Variants in TNIK observed in about 807,000 individuals in gnomAD.
TNIK encodes the protein TRAF2 and NCK-interacting protein kinase.
TNIK carries 49 observed loss-of-function variants against 191.3 expected under a neutral mutation model. The ratio of observed to expected loss-of-function variants is 0.26; its 90% CI spans 0.20 to 0.32. The LOEUF is 0.32. Ranked by LOEUF, TNIK falls within the 10% of genes least tolerant of loss-of-function variation. TNIK has a pLI of 1.00. For missense variants in TNIK, 1,155 were observed against 1,702.3 expected, an observed-to-expected ratio of 0.68 and a Z score of 5.66; for synonymous variants, 594 against 600.9, an observed-to-expected ratio of 0.99 and a Z score of 0.17.
rs576438729 is a variant in TNIK at position 171,075,502 on chromosome 3, T to C, written c.3448+4016A>G. On this transcript the variant is annotated intron_variant, in intron 28 of 32. Coordinates refer to ENST00000436636, the MANE Select transcript of TNIK (RefSeq NM_015028.4). ...CTGATTCCTGAACAAAAATGTACAG[T>C]GGAGCAAATAGCTTGCACTGCTGCC... Among the ~76,000 whole-genome samples, 144 of 152,308 alleles carry C rather than the reference T, an allele frequency of 9.5e-4. 1 individual carries two copies. The highest frequency in any genetic ancestry group is 4.4e-4 in the Non-Finnish European group (30 of 68,014).
At chr3:171,354,818 A>C (rs143192103) in intron 2 of TNIK, among the ~76,000 whole-genome samples, 1 of 152,348 alleles carries the variant, frequency 6.6e-6, no homozygotes, top group East Asian at 1.9e-4. Context: ...CATAGTACTT[A>C]GGCCAAATTT....
intron 2 of TNIK, among the ~76,000 whole-genome samples, chr3:171,287,886 T>C (rs1751190472): frequency 6.6e-6 from 1 of 151,952 alleles, no homozygotes; most frequent in East Asian, 1.9e-4. Flanking sequence ...TATTGCGGCA[T>C]TATTCACAAT....
At chr3:171,129,201 T>C (rs1334874722) in intron 15 of TNIK, among the ~76,000 whole-genome samples, 2 of 152,182 alleles carry the variant, frequency 1.3e-5, no homozygotes, top group East Asian at 1.9e-4. Flanking sequence ...CGCAATGCCA[T>C]GGGGTCAGTG....
intron 3 of TNIK, among the ~76,000 whole-genome samples, chr3:171,221,412 C>T (rs917543658): frequency 1.8e-4 from 28 of 152,154 alleles, no homozygotes; most frequent in Admixed American, 2.0e-4. Flanking sequence ...CGAAGGTCTA[C>T]TCGTCCTGTA....
intron 12 of TNIK, among the ~76,000 whole-genome samples, chr3:171,141,572 T>C (rs139423488): frequency 2.2e-4 from 34 of 152,320 alleles, no homozygotes; most frequent in African/African-American, 5.8e-4. Flanking sequence ...TGCAACTATC[T>C]AAGGACATGT....
chr3:171,205,086 G>A (rs1446134176), intron 4 of TNIK, among the ~76,000 whole-genome samples: 1 of 152,166 alleles, frequency 6.6e-6, no homozygotes, highest in Non-Finnish European at 1.5e-5. Context: ...TCCTACCATT[G>A]TTCTTATTAA....
intron 2 of TNIK, among the ~76,000 whole-genome samples, chr3:171,262,008 C>T (rs1010798496): frequency 2.6e-5 from 4 of 152,224 alleles, no homozygotes; most frequent in African/African-American, 9.6e-5. Flanking sequence ...ATAACCTTTT[C>T]AATCCTAACC....
intron 32 of TNIK, among the ~76,000 whole-genome samples, chr3:171,065,273 A>T (rs1479660612): frequency 6.6e-6 from 1 of 152,218 alleles, no homozygotes; most frequent in Non-Finnish European, 1.5e-5. Context: ...TGCCACCTGC[A>T]GCTACTGTCC....
intron 10 of TNIK, among the ~76,000 whole-genome samples, chr3:171,162,526 T>C (rs1468739390): frequency 6.6e-6 from 1 of 152,262 alleles, no homozygotes; most frequent in Non-Finnish European, 1.5e-5. Flanking sequence ...GGAAGCAGTT[T>C]ACATGTGTGA....
intron 2 of TNIK, among the ~76,000 whole-genome samples, chr3:171,319,868 T>A (rs894073637): frequency 2.0e-5 from 3 of 152,172 alleles, no homozygotes; most frequent in Non-Finnish European, 4.4e-5. Context: ...GAAGCATTCA[T>A]CTGAGAAGAC....
chr3:171,081,318 C>T (rs375745101), intron 27 of TNIK, among the ~76,000 whole-genome samples: 2 of 152,082 alleles, frequency 1.3e-5, no homozygotes, highest in East Asian at 3.9e-4. Context: ...GGAAGTACAG[C>T]TGAACTTTGA....
At chr3:171,115,463 G>A (rs910394822) in intron 18 of TNIK, among the ~76,000 whole-genome samples, 1 of 152,234 alleles carries the variant, frequency 6.6e-6, no homozygotes, top group Non-Finnish European at 1.5e-5. Context: ...TGTATGTTGT[G>A]TATGAAAGAG....
At chr3:171,170,338 G>A (rs1735115172) in intron 9 of TNIK, among the ~76,000 whole-genome samples, 1 of 152,154 alleles carries the variant, frequency 6.6e-6, no homozygotes, top group Non-Finnish European at 1.5e-5. Flanking sequence ...TCAAAATGCT[G>A]GAAAGATTGT....
rs1418907882 is a variant in TNIK, at chr3:171,060,169, CTGG to C, written c.*3709_*3711del. ...CGTTTCAAGAATACAGTGACGGGAA[CTGG>C]TACACATAGTAGTAGGGAAAGCATT... On this transcript the variant is annotated 3_prime_UTR_variant, in exon 33 of 33. Coordinates refer to ENST00000436636, the MANE Select transcript of TNIK (RefSeq NM_015028.4). Among the ~76,000 whole-genome samples, 1 of 152,170 alleles carries C rather than the reference CTGG, an allele frequency of 6.6e-6. No individual in the cohort carries two copies. Among genetic ancestry groups the C allele is most frequent in the Non-Finnish European group, 1.5e-5 (1 of 68,030 alleles).
intron 2 of TNIK, among the ~76,000 whole-genome samples, chr3:171,294,451 T>C (rs574026408): frequency 1.3e-5 from 2 of 152,038 alleles, no homozygotes; most frequent in Non-Finnish European, 2.9e-5. Context: ...CCAGTCGCGG[T>C]GGCTCACACC....
chr3:171,088,885 A>G (rs1010584921), intron 23 of TNIK, among the ~76,000 whole-genome samples: 1 of 152,218 alleles, frequency 6.6e-6, no homozygotes, highest in Non-Finnish European at 1.5e-5. Context: ...TCATCAACAC[A>G]GTATTTTTTA....
intron 12 of TNIK, among the ~76,000 whole-genome samples, chr3:171,151,087 A>G (rs1732375813): frequency 1.3e-5 from 2 of 152,384 alleles, no homozygotes; most frequent in South Asian, 4.1e-4. Flanking sequence ...TTTACTTCTC[A>G]GCAATCATGA....
chr3:171,323,306 G>A (rs1040681233), intron 2 of TNIK, among the ~76,000 whole-genome samples: 11 of 152,156 alleles, frequency 7.2e-5, no homozygotes, highest in South Asian at 4.1e-4. Flanking sequence ...ATGCTGGGGG[G>A]CAGGAGTAGA....
At chr3:171,237,548 CCT>C (rs1479972106) in intron 2 of TNIK, among the ~76,000 whole-genome samples, 1 of 151,428 alleles carries the variant, frequency 6.6e-6, no homozygotes, top group Non-Finnish European at 1.5e-5. Flanking sequence ...CCAAATGTCT[CCT>C]CTGTAAGAAT....
Sources: gnomAD v4.1 joint callset for allele counts (sites outside exome capture counted in the v4.1 genomes callset) on GRCh38, gnomAD v4.1.1 for gene constraint, MANE v1.5 for transcripts, NCBI Gene and HGNC (gene_info 2026-07-23, HGNC 2026-07-21) for gene names.